SNX29: variants seen among roughly 807,000 people sequenced by gnomAD.
SNX29 encodes sorting nexin 29.
Under a neutral mutation model 102.1 loss-of-function variants are expected in SNX29, and 78 were observed. That is an observed-to-expected ratio of 0.76 (90% CI 0.64 to 0.92). SNX29 has a LOEUF of 0.92. SNX29 is among the 40% of genes least tolerant of loss of function. The pLI is 0.00. For synonymous variants in SNX29, 580 were observed against 414.5 expected, an observed-to-expected ratio of 1.40 and a Z score of -4.85; for missense variants, 1,280 against 1,061.7, an observed-to-expected ratio of 1.21 and a Z score of -2.86.
intron 18 of SNX29, among the ~76,000 whole-genome samples, chr16:12,409,514 C>T (rs2084310054): frequency 1.3e-5 from 2 of 149,888 alleles, no homozygotes; most frequent in Middle Eastern, 3.6e-3. Flanking sequence ...CTGCAAGCTC[C>T]ACCTCCCGGG....
intron 20 of SNX29, among the ~76,000 whole-genome samples, chr16:12,540,256 G>A (rs7499091): frequency 1.7e-4 from 26 of 151,940 alleles, no homozygotes; most frequent in South Asian, 4.2e-4. Flanking sequence ...CACCCCCAGC[G>A]TAAGGTCAAG....
chr16:12,387,244 G>A (rs2083371761), intron 16 of SNX29, among the ~76,000 whole-genome samples: 1 of 152,174 alleles, frequency 6.6e-6, no homozygotes, highest in South Asian at 2.1e-4. Flanking sequence ...AAGCAGGACT[G>A]CGGCAGTCCT....
intron 11 of SNX29, among the ~76,000 whole-genome samples, chr16:12,117,196 G>A (rs1452723564): frequency 7.0e-6 from 1 of 143,786 alleles, no homozygotes; most frequent in Non-Finnish European, 1.5e-5. Context: ...GTGCTTCAAC[G>A]CGGATGAACC....
intron 20 of SNX29, 114 bp from the exon 21 acceptor site, chr16:12,568,392 A>C (rs527539245): frequency 2.2e-6 from 3 of 1,388,592 alleles, no homozygotes; most frequent in East Asian, 2.3e-5. Flanking sequence ...CCAATGAGCC[A>C]GTCACAGTTG....
At chr16:12,083,487 C>T (rs910340752) in intron 11 of SNX29, among the ~76,000 whole-genome samples, 4 of 151,996 alleles carry the variant, frequency 2.6e-5, no homozygotes, top group African/African-American at 9.7e-5. Context: ...TCCCTTATCT[C>T]TTCTTATAAG....
chr16:12,476,113 G>A (rs1447140509), intron 18 of SNX29, among the ~76,000 whole-genome samples: 1 of 151,632 alleles, frequency 6.6e-6, no homozygotes, highest in Non-Finnish European at 1.5e-5. Context: ...CTGAGGCCAG[G>A]AGTTCAAGAC....
At chr16:12,050,419 T>C (rs2050253140) in intron 7 of SNX29, among the ~76,000 whole-genome samples, 2 of 152,236 alleles carry the variant, frequency 1.3e-5, no homozygotes, top group African/African-American at 4.8e-5. Flanking sequence ...ATGTAGCGGC[T>C]TAAAACCACT....
In SNX29 at chr16:12,572,901, G is replaced by A. The variant is rs1020398906; in HGVS notation, c.*4272G>A. 5.8e-6 allele frequency: 6 copies of A among 1,025,814 alleles called. No individual in the cohort carries two copies. The highest frequency in any genetic ancestry group is 7.1e-6 in the Non-Finnish European group (6 of 843,984). 63.5% of individuals were successfully genotyped at this position (1,025,814 alleles called of 1,614,324 possible). On this transcript the variant is annotated 3_prime_UTR_variant, in exon 21 of 21. Transcript: ENST00000566228. ...TGACTCTGCCTTGGCATTTCGCTCG[G>A]AATCACGGCAGACTTGGAGTGTTTC...
intron 13 of SNX29, among the ~76,000 whole-genome samples, chr16:12,189,168 A>G (rs2076582882): frequency 6.6e-6 from 1 of 152,214 alleles, no homozygotes; most frequent in Admixed American, 6.5e-5. Context: ...CTACAAGCAA[A>G]ACATTCTCCT....
Position 12,498,665 on chromosome 16 carries a change from A to G in SNX29, c.2178+20806A>G, listed in dbSNP as rs141080920. ...AGAACAGATAATGCACACATAAGCA[A>G]ACATGTAGGTAGTCTCTAGTAATCT... On this transcript the variant is annotated intron_variant, in intron 19 of 20. Coordinates refer to ENST00000566228, the MANE Select transcript of SNX29 (RefSeq NM_032167.5). Among the ~76,000 whole-genome samples the G allele has an allele frequency of 3.0e-3, 463 of 152,374 alleles. 1 individual carries two copies. The highest frequency in any genetic ancestry group is 0.024 in the Middle Eastern group (7 of 294).
chr16:12,314,201 G>A (rs1374493216), intron 15 of SNX29, among the ~76,000 whole-genome samples: 1 of 152,118 alleles, frequency 6.6e-6, no homozygotes, highest in African/African-American at 2.4e-5. Context: ...GTCTTTCTGT[G>A]TTGCCCAGGC....
intron 15 of SNX29, among the ~76,000 whole-genome samples, chr16:12,336,521 A>G (rs1052089266): frequency 1.3e-5 from 2 of 152,194 alleles, no homozygotes; most frequent in Non-Finnish European, 2.9e-5. Flanking sequence ...ATATTGGAAT[A>G]CTGTGTTTTC....
At chr16:12,350,245 G>A (rs919689979) in intron 15 of SNX29, among the ~76,000 whole-genome samples, 1 of 152,146 alleles carries the variant, frequency 6.6e-6, no homozygotes, top group Admixed American at 6.5e-5. Flanking sequence ...CAAAAATACC[G>A]GGCGGGGAGA....
chr16:12,562,364 G>A (rs1173343831), intron 20 of SNX29, among the ~76,000 whole-genome samples: 1 of 146,076 alleles, frequency 6.8e-6, no homozygotes, highest in Non-Finnish European at 1.5e-5. Flanking sequence ...ATTTTTGCTT[G>A]CACCATTTTT....
chr16:12,363,182 G>A (rs892923268), intron 16 of SNX29, among the ~76,000 whole-genome samples: 2 of 152,224 alleles, frequency 1.3e-5, no homozygotes, highest in African/African-American at 2.4e-5. Flanking sequence ...GGTCCCCAGG[G>A]GATACCCCAT....
intron 14 of SNX29, among the ~76,000 whole-genome samples, chr16:12,223,458 T>G (rs1382785938): frequency 6.6e-6 from 1 of 152,146 alleles, no homozygotes; most frequent in Non-Finnish European, 1.5e-5. Flanking sequence ...AGTCAGGAGT[T>G]TGAGACCAGC....
At chr16:12,204,181 G>A (rs1287837203) in intron 14 of SNX29, among the ~76,000 whole-genome samples, 1 of 152,200 alleles carries the variant, frequency 6.6e-6, no homozygotes, top group East Asian at 1.9e-4. Context: ...CTCTGATCCT[G>A]TCTTTAGAGC....
chr16:12,555,978 A>C (rs1436809398), intron 20 of SNX29, among the ~76,000 whole-genome samples: 3 of 146,028 alleles, frequency 2.1e-5, no homozygotes, highest in African/African-American at 7.5e-5. Context: ...GTGGCTTTCA[A>C]TTTTCAAGTG....
chr16:12,438,971 C>T lies in SNX29; in HGVS notation c.2037+35442C>T, dbSNP rs150803479. 1.0e-3 allele frequency among the ~76,000 whole-genome samples: 155 copies of T among 152,284 alleles called. 1 individual carries two copies. Among genetic ancestry groups the T allele is most frequent in the African/African-American group, 3.6e-3 (150 of 41,550 alleles). ...AAGGTGAGGGTAGAGAGGAAGGCAC[C>T]GGACAGGATTGTCCACCTGCCATGT... On this transcript the variant is annotated intron_variant, in intron 18 of 20. Transcript: ENST00000566228.
Sources: allele counts gnomAD v4.1 joint callset (sites outside exome capture counted in the v4.1 genomes callset), GRCh38; gene constraint gnomAD v4.1.1; transcripts MANE v1.5; gene names NCBI Gene and HGNC (gene_info 2026-07-23, HGNC 2026-07-21).